The following WASF1 variants were observed in gnomAD, a reference collection of about 807,000 sequenced individuals.
WASF1 encodes actin-binding protein WASF1.
WASF1 carries 7 observed loss-of-function variants against 50.5 expected under a neutral mutation model. The ratio of observed to expected loss-of-function variants is 0.14; its 90% CI spans 0.08 to 0.26. The LOEUF (loss-of-function observed/expected upper bound fraction) is 0.26, where lower values mean the gene tolerates loss of function less well. Among genes scored for constraint, WASF1 ranks in the 10% least tolerant of loss-of-function variants. WASF1 has a pLI of 1.00. For missense variants in WASF1, 470 were observed against 694.7 expected, an observed-to-expected ratio of 0.68 and a Z score of 3.64; for synonymous variants, 205 against 244.0, an observed-to-expected ratio of 0.84 and a Z score of 1.49.
In WASF1 at chr6:110,178,920, T is replaced by C. The variant is rs571215762; in HGVS notation, c.-271-178A>G. The stretch of plus-strand genomic sequence containing the variant: ...CCAGAAGCGACAGCACCGCTTCGCC[T>C]CCCCTTCCAACGAAGAAAAGGATGC... On this transcript the variant is annotated intron_variant, in intron 1 of 10. Transcript: ENST00000392589. 3.9e-5 allele frequency among the ~76,000 whole-genome samples: 6 copies of C among 152,270 alleles called. No homozygotes were observed. The South Asian group carries it at 1.2e-3, about 32-fold the overall frequency.
At chr6:110,144,818 C>A (rs144029066) in intron 3 of WASF1, among the ~76,000 whole-genome samples, 9,686 of 152,020 alleles carry the variant, frequency 0.064, 370 homozygotes, top group African/African-American at 0.12. Context: ...ATTGGTCTAT[C>A]TCTCTGTTTT....
intron 3 of WASF1, among the ~76,000 whole-genome samples, chr6:110,152,201 A>C (rs1397749007): frequency 6.6e-6 from 1 of 152,150 alleles, no homozygotes; most frequent in Non-Finnish European, 1.5e-5. Context: ...CTGACAACGG[A>C]GAAAGGAGGC....
intron 3 of WASF1, among the ~76,000 whole-genome samples, chr6:110,142,973 A>AAC (rs34763424): frequency 2.7e-5 from 4 of 148,860 alleles, no homozygotes; most frequent in Non-Finnish European, 6.0e-5. Flanking sequence ...AAAAAAAAAA[A>AAC]CTAAAGCAAT....
At chr6:110,138,031 G>A (rs558218441) in intron 3 of WASF1, among the ~76,000 whole-genome samples, 2 of 152,190 alleles carry the variant, frequency 1.3e-5, no homozygotes, top group Non-Finnish European at 2.9e-5. Flanking sequence ...GGCAGGCTGC[G>A]CAGCTCATAC....
chr6:110,154,632 T>G (rs1775976366), intron 3 of WASF1, among the ~76,000 whole-genome samples: 3 of 152,108 alleles, frequency 2.0e-5, no homozygotes, highest in Non-Finnish European at 2.9e-5. Context: ...ATGAAGATTA[T>G]ACACTTTTCT....
intron 7 of WASF1, among the ~76,000 whole-genome samples, chr6:110,106,134 G>T (rs1057374844): frequency 2.0e-5 from 3 of 152,226 alleles, no homozygotes; most frequent in African/African-American, 7.2e-5. Flanking sequence ...GAAAGGGCTA[G>T]AGTAAGTGTA....
chr6:110,146,127 TATA>T (rs975102670), intron 3 of WASF1, among the ~76,000 whole-genome samples: 4 of 152,278 alleles, frequency 2.6e-5, no homozygotes, highest in South Asian at 2.1e-4. Flanking sequence ...AAACTTAAAG[TATA>T]ATAACAAAAA....
chr6:110,145,495 T>C (rs1030297282), intron 3 of WASF1, among the ~76,000 whole-genome samples: 2 of 152,178 alleles, frequency 1.3e-5, no homozygotes, highest in Admixed American at 1.3e-4. Context: ...TCCAACGCTA[T>C]GTTGAATAGG....
At chr6:110,123,989 G>C (rs1741282211) in intron 4 of WASF1, among the ~76,000 whole-genome samples, 1 of 151,996 alleles carries the variant, frequency 6.6e-6, no homozygotes, top group South Asian at 2.1e-4. Flanking sequence ...TAGGCAGACA[G>C]TAAGGGAAGG....
At chr6:110,154,814 TA>T (rs535278507) in intron 3 of WASF1, among the ~76,000 whole-genome samples, 2 of 151,884 alleles carry the variant, frequency 1.3e-5, no homozygotes, top group African/African-American at 2.4e-5. Context: ...TTTATTGTAC[TA>T]AAAAAAATCA....
intron 2 of WASF1, among the ~76,000 whole-genome samples, chr6:110,173,943 G>A (rs1220547216): frequency 6.6e-6 from 1 of 152,150 alleles, no homozygotes; most frequent in Non-Finnish European, 1.5e-5. Flanking sequence ...TGGTATCTCT[G>A]GCCCCTTCCA....
intron 2 of WASF1, among the ~76,000 whole-genome samples, chr6:110,172,418 G>T (rs958564696): frequency 3.3e-5 from 5 of 152,004 alleles, no homozygotes; most frequent in Admixed American, 1.3e-4. Context: ...AAGATTCCTT[G>T]AAAATAACAA....
rs548231690 is a variant in WASF1 at position 110,144,448 on chromosome 6, G to C, written c.-29+16187C>G. On this transcript the variant is annotated intron_variant, in intron 3 of 10. Coordinates refer to ENST00000392589, the MANE Select transcript of WASF1 (RefSeq NM_003931.3). ...CTCTGATGGTGGTTTCTTTTGCTGTGCAGAAGCTCTTTAGTTTCATTAGAT... is the reference window on the plus strand; with the variant it reads ...CTCTGATGGTGGTTTCTTTTGCTGTCCAGAAGCTCTTTAGTTTCATTAGAT... 2.0e-3 allele frequency among the ~76,000 whole-genome samples: 299 copies of C among 152,280 alleles called. 6 individuals are homozygous for C. Among genetic ancestry groups the C allele is most frequent in the South Asian group, 0.014 (69 of 4,826 alleles).
rs1301676767 is a variant in WASF1, at chr6:110,113,585, T to C, written c.134-125A>G. ...ATACTTTGTGATCAGAGATAAATAA[T>C]GAACAATGTAATATTACAACTGGTG... On this transcript the variant is annotated intron_variant, in intron 4 of 10. Coordinates refer to ENST00000392589, the MANE Select transcript of WASF1 (RefSeq NM_003931.3). The C allele has an allele frequency of 3.5e-6, 3 of 859,854 alleles. No individual in the cohort carries two copies. In the East Asian group the frequency reaches 8.5e-5, roughly 24 times the overall value. The allele number at this position is 859,854 out of a possible 1,614,324, so 53.3% of individuals were successfully genotyped here. A position where few individuals can be genotyped will look rare whatever the true frequency, so the allele number is the denominator to read the frequency against.
Position 110,132,292 on chromosome 6 carries a change from G to A in WASF1, c.-28-4663C>T, listed in dbSNP as rs561773438. Among the ~76,000 whole-genome samples, 35 of 151,640 alleles carry A rather than the reference G, an allele frequency of 2.3e-4. 1 individual carries two copies. The highest frequency in any genetic ancestry group is 7.7e-4 in the African/African-American group (32 of 41,352). ...TACACAATCATATGTGAATAGTGACGATTTCCTCCATTCTAATCCATTTTA... is the reference window on the plus strand; with the variant it reads ...TACACAATCATATGTGAATAGTGACAATTTCCTCCATTCTAATCCATTTTA... On this transcript the variant is annotated intron_variant, in intron 3 of 10. Transcript: ENST00000392589.
chr6:110,105,285 ATC>A, intron 8 of WASF1, 120 bp downstream of exon 8: 1 of 1,067,014 alleles, frequency 9.4e-7, no homozygotes, highest in Non-Finnish European at 1.3e-6. Flanking sequence ...TTTTGAAATA[ATC>A]TCTATATTTA....
At chr6:110,112,267 G>A (rs549720477) in intron 5 of WASF1, among the ~76,000 whole-genome samples, 1 of 151,924 alleles carries the variant, frequency 6.6e-6, no homozygotes, top group East Asian at 1.9e-4. Flanking sequence ...AAAATATTTT[G>A]AAGAGAGTGT....
At chr6:110,122,972 C>A (rs900506483) in intron 4 of WASF1, among the ~76,000 whole-genome samples, 4 of 151,960 alleles carry the variant, frequency 2.6e-5, no homozygotes, top group African/African-American at 4.8e-5. Context: ...AAAAGAGATA[C>A]CCTGGGAAGC....
chr6:110,121,555 G>A (rs1386305539), intron 4 of WASF1, among the ~76,000 whole-genome samples: 1 of 152,196 alleles, frequency 6.6e-6, no homozygotes, highest in Non-Finnish European at 1.5e-5. Context: ...AGAGGATGTG[G>A]AGAAATAGGA....
Sources: allele counts gnomAD v4.1 joint callset (sites outside exome capture counted in the v4.1 genomes callset), GRCh38; gene constraint gnomAD v4.1.1; transcripts MANE v1.5; gene names NCBI Gene and HGNC (gene_info 2026-07-23, HGNC 2026-07-21).